Variants in NRF1 observed in about 807,000 individuals in gnomAD.
NRF1 encodes the protein alpha palindromic-binding protein.
Under a neutral mutation model 58.5 loss-of-function variants are expected in NRF1, and 5 were observed. The ratio of observed to expected loss-of-function variants is 0.09; its 90% CI spans 0.04 to 0.18. The LOEUF (loss-of-function observed/expected upper bound fraction) is 0.18, where lower values mean the gene tolerates loss of function less well. NRF1 is among the 10% of genes least tolerant of loss of function. The pLI, the probability that NRF1 is intolerant of heterozygous loss-of-function variation, is 1.00. For synonymous variants in NRF1, 224 were observed against 246.7 expected (o/e 0.91, Z 0.86); for missense variants, 288 against 657.7 (o/e 0.44, Z 6.15).
chr7:129,737,145 T>C (rs1803733315), intron 10 of NRF1, among the ~76,000 whole-genome samples: 1 of 152,254 alleles, frequency 6.6e-6, no homozygotes. Context: ...GACGCTGCTT[T>C]CCTGTCTTTA....
intron 9 of NRF1, among the ~76,000 whole-genome samples, chr7:129,718,656 G>C (rs968697130): frequency 2.0e-5 from 3 of 152,208 alleles, no homozygotes; most frequent in African/African-American, 7.2e-5. Flanking sequence ...TAGAAATTCA[G>C]AGGAGGGTGA....
At chr7:129,752,621 G>A (rs184751428) in intron 10 of NRF1, among the ~76,000 whole-genome samples, 39 of 152,228 alleles carry the variant, frequency 2.6e-4, no homozygotes, top group African/African-American at 8.7e-4. Flanking sequence ...GAAAGCCGAG[G>A]CAGGAGGATC....
chr7:129,752,958 G>A (rs1368972209), intron 10 of NRF1, among the ~76,000 whole-genome samples: 2 of 152,262 alleles, frequency 1.3e-5, no homozygotes, highest in African/African-American at 4.8e-5. Context: ...TTCCATTTCG[G>A]TGAGGGCACA....
At chr7:129,676,012 T>G (rs1269116415) in intron 3 of NRF1, among the ~76,000 whole-genome samples, 1 of 152,242 alleles carries the variant, frequency 6.6e-6, no homozygotes, top group African/African-American at 2.4e-5. Context: ...TTGCTCCAGC[T>G]TCTACATCAG....
chr7:129,713,647 C>T (rs896033331), intron 8 of NRF1, among the ~76,000 whole-genome samples: 1 of 152,224 alleles, frequency 6.6e-6, no homozygotes, highest in African/African-American at 2.4e-5. Context: ...ACTCCCCTTT[C>T]CCTTAAGGAG....
intron 4 of NRF1, among the ~76,000 whole-genome samples, chr7:129,685,586 T>TGTGTGTGTGTG (rs1802427277): frequency 9.2e-6 from 1 of 108,276 alleles, no homozygotes; most frequent in South Asian, 2.9e-4. Context: ...TGTGTGTGTG[T>TGTGTGTGTGTG]GTGTGTGTGT....
At chr7:129,650,512 G>C (rs1483048877) in intron 1 of NRF1, among the ~76,000 whole-genome samples, 15 of 152,128 alleles carry the variant, frequency 9.9e-5, no homozygotes, top group Admixed American at 9.8e-4. Context: ...ACCATCCTCA[G>C]AGATGACTGT....
At chr7:129,630,270 T>A (rs1378178958) in intron 1 of NRF1, 2 of 152,212 alleles carry the variant, frequency 1.3e-5, no homozygotes, top group Non-Finnish European at 2.9e-5. Flanking sequence ...TGATATACAC[T>A]TGGTAAATGC....
In NRF1 at chr7:129,616,195, G is replaced by A. The variant is rs191002369; in HGVS notation, c.-7+4371G>A. On this transcript the variant is annotated intron_variant, in intron 1 of 10. Transcript: ENST00000393232. ...ATGTTGTGGTCTTTAGGCCTAAAAT[G>A]TTTTAAAATGTGAACATTTATGTGA... Among the ~76,000 whole-genome samples, 7 of 152,262 alleles carry A rather than the reference G, an allele frequency of 4.6e-5. No individual in the cohort carries two copies. In the East Asian group the frequency reaches 1.2e-3, roughly 25 times the overall value.
chr7:129,620,196 A>G (rs561053442), intron 1 of NRF1, among the ~76,000 whole-genome samples: 2 of 152,182 alleles, frequency 1.3e-5, no homozygotes, highest in Non-Finnish European at 2.9e-5. Context: ...GATACGAGGA[A>G]CTTCTTAGAA....
At chr7:129,656,321 C>T (rs1299665720) in intron 1 of NRF1, among the ~76,000 whole-genome samples, 2 of 151,864 alleles carry the variant, frequency 1.3e-5, no homozygotes, top group African/African-American at 4.8e-5. Flanking sequence ...TATGTTTTGA[C>T]ATGTAACAAT....
intron 1 of NRF1, among the ~76,000 whole-genome samples, chr7:129,637,199 A>G (rs1256359159): frequency 2.0e-5 from 3 of 151,422 alleles, no homozygotes; most frequent in Admixed American, 2.0e-4. Context: ...TTCCACTGTT[A>G]CCTTACATTT....
intron 5 of NRF1, among the ~76,000 whole-genome samples, chr7:129,693,734 A>G (rs1802623081): frequency 6.6e-6 from 1 of 151,938 alleles, no homozygotes; most frequent in Non-Finnish European, 1.5e-5. Context: ...TCAAGTAAAG[A>G]AAACATAAAG....
chr7:129,689,219 A>G lies in NRF1; in HGVS notation c.466-1187A>G, dbSNP rs1487912222. On this transcript the variant is annotated intron_variant, in intron 4 of 10. Coordinates refer to ENST00000393232, the MANE Select transcript of NRF1 (RefSeq NM_005011.5). Reference sequence around the variant, plus strand: ...CAGAAGTTGCACCATGTAGCCAGTAATAATATTTATTTTTCCAGATGCTTG... The same window carrying G: ...CAGAAGTTGCACCATGTAGCCAGTAGTAATATTTATTTTTCCAGATGCTTG... 2.0e-5 allele frequency among the ~76,000 whole-genome samples: 3 copies of G among 152,162 alleles called. No homozygotes were observed. The South Asian group carries it at 6.2e-4, about 31-fold the overall frequency.
chr7:129,750,162 C>G lies in NRF1; in HGVS notation c.1349-4856C>G, dbSNP rs890819160. ...GTAAGAAAAAGGAGCACTTCCACCCCTTAAAGTAGAACACGAAGGGCTTCC... is the reference window on the plus strand; with the variant it reads ...GTAAGAAAAAGGAGCACTTCCACCCGTTAAAGTAGAACACGAAGGGCTTCC... On this transcript the variant is annotated intron_variant, in intron 10 of 10. Transcript: ENST00000393232. Among the ~76,000 whole-genome samples, 5 of 152,142 alleles carry G rather than the reference C, an allele frequency of 3.3e-5. No individual in the cohort carries two copies. In the East Asian group the frequency reaches 7.7e-4, roughly 23 times the overall value.
intron 9 of NRF1, among the ~76,000 whole-genome samples, chr7:129,719,310 T>G (rs1031680494): frequency 1.3e-5 from 2 of 152,142 alleles, no homozygotes; most frequent in African/African-American, 4.8e-5. Flanking sequence ...GTTTGTATTT[T>G]TAGTACAGAC....
rs536244078 is a variant in NRF1 at position 129,690,697 on chromosome 7, A to G, written c.606+151A>G. Reference sequence around the variant, plus strand: ...TGTAGTGAAACAGTAGCAGCCTTGGAAAAGACATTATAGTGCCAGAAAAGT... The same window carrying G: ...TGTAGTGAAACAGTAGCAGCCTTGGGAAAGACATTATAGTGCCAGAAAAGT... On this transcript the variant is annotated intron_variant, in intron 5 of 10. Coordinates refer to ENST00000393232, the MANE Select transcript of NRF1 (RefSeq NM_005011.5). The G allele has an allele frequency of 3.1e-4, 250 of 793,892 alleles. No homozygotes were observed. In the Admixed American group the frequency reaches 3.2e-3, roughly 10 times the overall value. 49.2% of individuals were successfully genotyped at this position (793,892 alleles called of 1,614,324 possible). A position where few individuals can be genotyped will look rare whatever the true frequency, so the allele number is the denominator to read the frequency against.
intron 1 of NRF1, among the ~76,000 whole-genome samples, chr7:129,620,029 CTGT>C (rs1562950464): frequency 6.6e-6 from 1 of 151,988 alleles, no homozygotes; most frequent in Non-Finnish European, 1.5e-5. Context: ...TTCAAGGGGG[CTGT>C]TGACACACAG....
intron 5 of NRF1, among the ~76,000 whole-genome samples, chr7:129,703,249 G>A (rs1802875079): frequency 6.6e-6 from 1 of 152,132 alleles, no homozygotes. Flanking sequence ...CCCACCTAGA[G>A]CCCTAAATCA....
Sources: gnomAD v4.1 joint callset for allele counts (sites outside exome capture counted in the v4.1 genomes callset) on GRCh38, gnomAD v4.1.1 for gene constraint, MANE v1.5 for transcripts, NCBI Gene and HGNC (gene_info 2026-07-23, HGNC 2026-07-21) for gene names.